Variants in NAALADL2 observed in about 807,000 individuals in gnomAD.
The protein encoded by NAALADL2 is N-acetylated alpha-linked acidic dipeptidase like 2.
NAALADL2 carries 76 observed loss-of-function variants against 87.2 expected under a neutral mutation model. The observed-to-expected ratio is 0.87, with a 90% CI of 0.72 to 1.05. NAALADL2 has a LOEUF of 1.05. Ranked by LOEUF, NAALADL2 falls within the 50% of genes least tolerant of loss-of-function variation. NAALADL2 has a pLI of 0.00. For synonymous variants in NAALADL2, 354 were observed against 331.0 expected, an observed-to-expected ratio of 1.07 and a Z score of -0.75; for missense variants, 1,089 against 945.8, an observed-to-expected ratio of 1.15 and a Z score of -1.99.
intron 1 of NAALADL2, among the ~76,000 whole-genome samples, chr3:174,480,619 C>T (rs939630492): frequency 9.9e-5 from 15 of 152,074 alleles, no homozygotes; most frequent in Admixed American, 7.2e-4. Context: ...CCACTATCAC[C>T]TTACATTTTT....
At chr3:175,583,570 A>C (rs1005948103) in intron 10 of NAALADL2, among the ~76,000 whole-genome samples, 3 of 152,110 alleles carry the variant, frequency 2.0e-5, no homozygotes, top group African/African-American at 7.2e-5. Flanking sequence ...ATCTGGATGC[A>C]TTCTGAAATC....
intron 1 of NAALADL2, among the ~76,000 whole-genome samples, chr3:174,871,543 A>G (rs1727815057): frequency 6.6e-6 from 1 of 152,244 alleles, no homozygotes; most frequent in Non-Finnish European, 1.5e-5. Context: ...TTAGGAGACA[A>G]AAGATTATCT....
intron 3 of NAALADL2, among the ~76,000 whole-genome samples, chr3:174,787,956 T>C (rs1456241087): frequency 6.6e-6 from 1 of 151,932 alleles, no homozygotes; most frequent in Non-Finnish European, 1.5e-5. Context: ...AACACCAAGT[T>C]AGCAGTTCAG....
chr3:174,530,037 G>T (rs12636383), intron 1 of NAALADL2, among the ~76,000 whole-genome samples: 50,470 of 151,958 alleles, frequency 0.33, 9,170 homozygotes, highest in South Asian at 0.45. Context: ...CAGAAAGTGG[G>T]ATTTTCTTTT....
At chr3:175,314,684 A>AG (rs1355268381) in intron 4 of NAALADL2, among the ~76,000 whole-genome samples, 1 of 25,832 alleles carries the variant, frequency 3.9e-5, no homozygotes, top group African/African-American at 3.1e-4. Context: ...ATATATATAT[A>AG]TATATATATA....
At chr3:174,982,478 A>G (rs920113071) in intron 1 of NAALADL2, among the ~76,000 whole-genome samples, 1 of 152,200 alleles carries the variant, frequency 6.6e-6, no homozygotes. Flanking sequence ...GGAAACAACT[A>G]TTATTCCATA....
chr3:174,782,475 A>G (rs1716106954), intron 3 of NAALADL2, among the ~76,000 whole-genome samples: 1 of 152,050 alleles, frequency 6.6e-6, no homozygotes, highest in Non-Finnish European at 1.5e-5. Flanking sequence ...GAAAAATTTG[A>G]TAGAAATCTG....
chr3:175,286,857 C>T (rs1755034671), intron 4 of NAALADL2, among the ~76,000 whole-genome samples: 1 of 151,896 alleles, frequency 6.6e-6, no homozygotes, highest in Admixed American at 6.6e-5. Flanking sequence ...TTTGGGAGGC[C>T]ACAGTGGGAG....
At chr3:174,837,669 C>T (rs1723498834) in intron 3 of NAALADL2, among the ~76,000 whole-genome samples, 1 of 151,998 alleles carries the variant, frequency 6.6e-6, no homozygotes, top group Non-Finnish European at 1.5e-5. Flanking sequence ...TGGTGCGCAC[C>T]TATAATCCCA....
intron 3 of NAALADL2, among the ~76,000 whole-genome samples, chr3:174,756,585 T>C (rs1432659799): frequency 6.6e-6 from 1 of 152,244 alleles, no homozygotes; most frequent in South Asian, 2.1e-4. Flanking sequence ...AACTATTAAA[T>C]TAATCTTATC....
intron 2 of NAALADL2, among the ~76,000 whole-genome samples, chr3:175,233,427 T>G (rs1037429195): frequency 2.6e-5 from 4 of 152,070 alleles, no homozygotes; most frequent in Non-Finnish European, 5.9e-5. Context: ...TGGGTTTTTT[T>G]GTTTTGTTTT....
At chr3:175,217,529 C>T (rs775847100) in intron 2 of NAALADL2, among the ~76,000 whole-genome samples, 3 of 152,232 alleles carry the variant, frequency 2.0e-5, no homozygotes, top group South Asian at 2.1e-4. Flanking sequence ...AAATAGTCTG[C>T]CGGGCATCCA....
chr3:175,110,623 A>G (rs1724030552), intron 2 of NAALADL2, among the ~76,000 whole-genome samples: 1 of 151,788 alleles, frequency 6.6e-6, no homozygotes, highest in Non-Finnish European at 1.5e-5. Flanking sequence ...AGAAAAGATA[A>G]TGATTGCTGA....
At chr3:175,532,354 T>C (rs967273171) in intron 9 of NAALADL2, among the ~76,000 whole-genome samples, 2 of 152,114 alleles carry the variant, frequency 1.3e-5, no homozygotes, top group Non-Finnish European at 2.9e-5. Context: ...TGGGGGAAAA[T>C]GTGAGAAAGA....
intron 2 of NAALADL2, among the ~76,000 whole-genome samples, chr3:175,099,394 TATG>T (rs1721731444): frequency 6.6e-6 from 1 of 152,176 alleles, no homozygotes; most frequent in African/African-American, 2.4e-5. Context: ...GATTAACAAT[TATG>T]GGTCCATGAA....
At chr3:175,132,600 G>C (rs1215600512) in intron 2 of NAALADL2, among the ~76,000 whole-genome samples, 834 of 106,812 alleles carry the variant, frequency 7.8e-3, no homozygotes, top group African/African-American at 0.035. Flanking sequence ...GCGGCTGGCC[G>C]GGCAGGGGGC....
At chr3:174,829,504 C>G (rs1412099113) in intron 3 of NAALADL2, among the ~76,000 whole-genome samples, 1,794 of 134,282 alleles carry the variant, frequency 0.013, 45 homozygotes, top group African/African-American at 0.05. Context: ...TTTTCTTAAT[C>G]CAGTCTATCA....
intron 1 of NAALADL2, among the ~76,000 whole-genome samples, chr3:174,519,340 T>C (rs1720124438): frequency 6.6e-6 from 1 of 151,510 alleles, no homozygotes. Context: ...TTTTTTTTTT[T>C]TTTTGAGACA....
intron 3 of NAALADL2, among the ~76,000 whole-genome samples, chr3:174,832,754 C>G (rs1722879985): frequency 2.0e-5 from 3 of 152,144 alleles, no homozygotes; most frequent in Admixed American, 6.5e-5. Context: ...GCGTGAGCCA[C>G]TGCACCTGGC....
Sources: gnomAD v4.1 joint callset for allele counts (sites outside exome capture counted in the v4.1 genomes callset) on GRCh38, gnomAD v4.1.1 for gene constraint, MANE v1.5 for transcripts, NCBI Gene and HGNC (gene_info 2026-07-23, HGNC 2026-07-21) for gene names.